PBLD: variants seen among roughly 807,000 people sequenced by gnomAD.
PBLD encodes the protein phenazine biosynthesis-like domain-containing protein.
A neutral mutation model predicts 31.3 loss-of-function variants in PBLD; 26 were observed. The observed-to-expected ratio is 0.83, with a 90% CI of 0.61 to 1.15. The LOEUF is 1.15. Ranked by LOEUF, PBLD falls within the 50% of genes most tolerant of loss-of-function variation. PBLD has a pLI of 0.00. For synonymous variants in PBLD, 114 were observed against 129.0 expected (o/e 0.88, Z 0.79); for missense variants, 307 against 351.7 (o/e 0.87, Z 1.02).
intron 1 of PBLD, among the ~76,000 whole-genome samples, chr10:68,311,363 G>A (rs1275271778): frequency 6.6e-6 from 1 of 152,042 alleles, no homozygotes; most frequent in Non-Finnish European, 1.5e-5. Context: ...GAGGCAGGTG[G>A]ATCACAAGGT....
chr10:68,291,772 C>G (rs1267708132), intron 6 of PBLD, among the ~76,000 whole-genome samples: 2 of 152,192 alleles, frequency 1.3e-5, no homozygotes, highest in Non-Finnish European at 2.9e-5. Flanking sequence ...TGCCTTTCAG[C>G]CTGTCATATA....
At chr10:68,301,595 T>C (rs10740294) in intron 2 of PBLD, among the ~76,000 whole-genome samples, 119,811 of 152,138 alleles carry the variant, frequency 0.79, 47,815 homozygotes, top group Middle Eastern at 0.86. Flanking sequence ...GCCTCCTTGC[T>C]TGCAGAAACC....
chr10:68,285,182 G>C lies in PBLD; in HGVS notation c.754+166C>G, dbSNP rs1464131871. 1.6e-5 allele frequency: 24 copies of C among 1,470,460 alleles called. No individual in the cohort carries two copies. In the African/African-American group the frequency reaches 3.2e-4, roughly 20 times the overall value. 91.1% of individuals were successfully genotyped at this position (1,470,460 alleles called of 1,614,324 possible). ...GTTGGGGGAGGCAGAGGTGAAGGCT[G>C]TTTGGGGTGGAGGATCTTTAAGGGT... On this transcript the variant is annotated intron_variant, in intron 9 of 9. Transcript: ENST00000358769.
At chr10:68,311,007 C>T (rs1055718302) in intron 1 of PBLD, among the ~76,000 whole-genome samples, 2 of 152,126 alleles carry the variant, frequency 1.3e-5, no homozygotes, top group South Asian at 2.1e-4. Context: ...AACACAAAGC[C>T]TATTTTATAA....
intron 2 of PBLD, among the ~76,000 whole-genome samples, chr10:68,300,632 A>G (rs944458503): frequency 2.3e-4 from 15 of 66,352 alleles, no homozygotes; most frequent in Non-Finnish European, 5.7e-4. Context: ...ACCCTTGTGT[A>G]TAAGCCATGG....
chr10:68,318,971 G>C (rs531840800), intron 1 of PBLD, among the ~76,000 whole-genome samples: 1 of 150,490 alleles, frequency 6.6e-6, no homozygotes, highest in East Asian at 2.0e-4. Flanking sequence ...AGGCAGGCAG[G>C]CAAGAAGGAA....
At chr10:68,299,515 T>G (rs1015620511) in intron 2 of PBLD, among the ~76,000 whole-genome samples, 3 of 152,140 alleles carry the variant, frequency 2.0e-5, no homozygotes, top group African/African-American at 2.4e-5. Context: ...AAAGTGTGAT[T>G]ATTGTGAAAA....
intron 1 of PBLD, among the ~76,000 whole-genome samples, chr10:68,324,530 T>A (rs1157453354): frequency 6.6e-6 from 1 of 152,088 alleles, no homozygotes; most frequent in African/African-American, 2.4e-5. Flanking sequence ...TGCTCTAGTT[T>A]AAGTATTCAT....
chr10:68,321,430 C>T (rs951584430), intron 1 of PBLD, among the ~76,000 whole-genome samples: 2 of 152,194 alleles, frequency 1.3e-5, no homozygotes, highest in Non-Finnish European at 2.9e-5. Flanking sequence ...GCACATGAAA[C>T]ATTCTCCAGA....
chr10:68,283,850 A>G lies in PBLD; in HGVS notation c.*327T>C. On this transcript the variant is annotated 3_prime_UTR_variant, in exon 10 of 10. Transcript: ENST00000358769. The stretch of plus-strand genomic sequence containing the variant: ...AACTTCTGCCTCCTGGGTTCAAGCG[A>G]TTCTCCATGCCTCAGCCTCCCAAGT... 4.1e-6 allele frequency: 1 copy of G among 243,306 alleles called. No homozygotes were observed. Among genetic ancestry groups the G allele is most frequent in the Non-Finnish European group, 8.1e-6 (1 of 123,312 alleles). The allele number at this position is 243,306 out of a possible 1,614,324, so 15.1% of individuals were successfully genotyped here. A position where few individuals can be genotyped will look rare whatever the true frequency, so the allele number is the denominator to read the frequency against.
At chr10:68,316,437 T>C (rs2044737076) in intron 1 of PBLD, among the ~76,000 whole-genome samples, 1 of 152,044 alleles carries the variant, frequency 6.6e-6, no homozygotes, top group African/African-American at 2.4e-5. Context: ...ATTGAGATTA[T>C]TCAGTTTGAG....
intron 1 of PBLD, among the ~76,000 whole-genome samples, chr10:68,308,903 A>G (rs1330100632): frequency 2.4e-5 from 3 of 122,542 alleles, no homozygotes; most frequent in African/African-American, 9.1e-5. Flanking sequence ...TGTTGAGACC[A>G]TTCTCTTGAA....
At chr10:68,332,476 C>G (rs1294355902) in intron 1 of PBLD, among the ~76,000 whole-genome samples, 1 of 152,256 alleles carries the variant, frequency 6.6e-6, no homozygotes, top group East Asian at 1.9e-4. Context: ...GCATTTTCCC[C>G]TTTCCCTGCT....
At chr10:68,317,894 G>A (rs569273753) in intron 1 of PBLD, among the ~76,000 whole-genome samples, 3 of 152,210 alleles carry the variant, frequency 2.0e-5, no homozygotes, top group East Asian at 1.9e-4. Context: ...AAATGGTTAA[G>A]AGGGTAAATA....
At chr10:68,290,720 T>C (rs1383710557) in intron 6 of PBLD, among the ~76,000 whole-genome samples, 1 of 150,574 alleles carries the variant, frequency 6.6e-6, no homozygotes, top group Non-Finnish European at 1.5e-5. Flanking sequence ...CCGTCTCAAA[T>C]AAAAAAAAAG....
Position 68,282,810 on chromosome 10 carries a change from G to C in PBLD, c.*1367C>G, listed in dbSNP as rs576646905. On this transcript the variant is annotated 3_prime_UTR_variant, in exon 10 of 10. Coordinates refer to ENST00000358769, the MANE Select transcript of PBLD (RefSeq NM_022129.4). ...AAATTGGGGTCATTAAAGAATGTCT[G>C]ACTGATTAGCTTGCAGTTTTTGAGA... The C allele has an allele frequency of 1.3e-5, 2 of 152,300 alleles. No individual in the cohort carries two copies. The highest frequency in any genetic ancestry group is 2.9e-5 in the Non-Finnish European group (2 of 68,034). The allele number at this position is 152,300 out of a possible 1,614,324, so 9.4% of individuals were successfully genotyped here.
At chr10:68,285,003 T>C in intron 9 of PBLD, 1 of 1,134,200 alleles carries the variant, frequency 8.8e-7, no homozygotes, top group Non-Finnish European at 1.1e-6. Flanking sequence ...GATTCAATCC[T>C]GTGACTAGCA....
intron 1 of PBLD, among the ~76,000 whole-genome samples, chr10:68,327,717 T>C (rs1050594386): frequency 1.3e-5 from 2 of 151,132 alleles, no homozygotes; most frequent in African/African-American, 4.9e-5. Context: ...GGAAATGGTC[T>C]ATTACTGTAT....
chr10:68,322,724 G>T (rs970977640), intron 1 of PBLD, among the ~76,000 whole-genome samples: 1 of 151,792 alleles, frequency 6.6e-6, no homozygotes, highest in African/African-American at 2.4e-5. Context: ...ATGTAGCATG[G>T]ATGCTACCAT....
Sources: allele counts gnomAD v4.1 joint callset (sites outside exome capture counted in the v4.1 genomes callset), GRCh38; gene constraint gnomAD v4.1.1; transcripts MANE v1.5; gene names NCBI Gene and HGNC (gene_info 2026-07-23, HGNC 2026-07-21).